Variants in SCAF1 observed in about 807,000 individuals in gnomAD.
SCAF1 encodes the protein SR-related CTD associated factor 1.
Under a neutral mutation model 91.2 loss-of-function variants are expected in SCAF1, and 28 were observed. That is an observed-to-expected ratio of 0.31 (90% CI 0.23 to 0.42). The LOEUF (loss-of-function observed/expected upper bound fraction) is 0.42, where lower values mean the gene tolerates loss of function less well. SCAF1 is among the 10% of genes least tolerant of loss of function. The pLI, the probability that SCAF1 is intolerant of heterozygous loss-of-function variation, is 1.00. For missense variants in SCAF1, 1,893 were observed against 1,872.1 expected (o/e 1.01, Z -0.21); for synonymous variants, 1,036 against 833.7 (o/e 1.24, Z -4.18).
chr19:49,648,558 A>ACCC (rs1273583245), intron 6 of SCAF1, among the ~76,000 whole-genome samples: 36 of 104,396 alleles, frequency 3.4e-4, no homozygotes, highest in African/African-American at 7.6e-4. Flanking sequence ...CATGCCTGCC[A>ACCC]CACCCCCCCC....
chr19:49,657,634 C>A, intron 9 of SCAF1, 127 bp from the exon 10 acceptor site: 2 of 1,235,992 alleles, frequency 1.6e-6, no homozygotes, highest in Non-Finnish European at 2.2e-6. Context: ...CTCAGCAGGA[C>A]TTCCAGCCTG....
chr19:49,653,811 T>C lies in SCAF1; in HGVS notation c.3316+106T>C, dbSNP rs2081121108. 2.7e-6 allele frequency: 3 copies of C among 1,127,412 alleles called. No homozygotes were observed. The South Asian group carries it at 5.2e-5, about 20-fold the overall frequency. The allele number at this position is 1,127,412 out of a possible 1,614,324, so 69.8% of individuals were successfully genotyped here. On this transcript the variant is annotated intron_variant, in intron 7 of 10. Coordinates refer to ENST00000360565, the MANE Select transcript of SCAF1 (RefSeq NM_021228.3). ...GGGTGCCCTGGCAGGGAGAGGTTTA[T>C]AGGGACATAGACTGGGAGGGTGGGG...
intron 8 of SCAF1, 91 bp from the exon 9 acceptor site, chr19:49,654,561 G>A (rs2081126399): frequency 7.3e-7 from 1 of 1,364,500 alleles, no homozygotes; most frequent in South Asian, 1.3e-5. Flanking sequence ...TGCCTCAGCT[G>A]TGGGGAAGTC....
Position 49,652,704 on chromosome 19 carries a change from C to T in SCAF1, c.2315C>T (p.Ala772Val), listed in dbSNP as rs765613770. ...CGGGAGAAGGGGTCTCGTCGGAAGG[C>T]GCTGGACGGGGGTGACCGGGATCGG... is the stretch of plus-strand genomic sequence containing the variant. ...SSREKGSRRK[A>V]LDGGDRDRDR... The change falls in exon 7 of 11, where the codon GCG (alanine) becomes GTG (valine). Residue 772 changes from alanine (A) to valine (V), a missense_variant. This residue lies in a region of SCAF1 where 1,436 missense variants were observed against 1,306.8 expected (regional missense o/e 1.10). Transcript: ENST00000360565. 2.7e-5 allele frequency: 42 copies of T among 1,580,972 alleles called. No individual in the cohort carries two copies. The highest frequency in any genetic ancestry group is 3.5e-5 in the Non-Finnish European group (41 of 1,163,704).
At chr19:49,654,301 C>A in intron 7 of SCAF1, 48 bp from the exon 8 acceptor site, 2 of 1,536,996 alleles carry the variant, frequency 1.3e-6, no homozygotes, top group South Asian at 1.1e-5. Context: ...CAGCTCCTGT[C>A]CTGTCACCTC....
chr19:49,641,102 TG>T (rs1318897444), upstream of SCAF1, among the ~76,000 whole-genome samples: 1 of 152,104 alleles, frequency 6.6e-6, no homozygotes, highest in East Asian at 1.9e-4. Context: ...GGCACTGGCT[TG>T]GGGGGACCCG....
intron 9 of SCAF1, among the ~76,000 whole-genome samples, chr19:49,655,778 C>T (rs2122519279): frequency 6.6e-6 from 1 of 152,300 alleles, no homozygotes; most frequent in East Asian, 1.9e-4. Context: ...TCAAGGGATC[C>T]TCCTACGTCA....
At position 49,652,199 on chromosome 19, in the gene SCAF1, G is replaced by A; in HGVS notation, c.1810G>A (p.Glu604Lys). 7.7e-7 allele frequency: 1 copy of A among 1,294,880 alleles called. No individual in the cohort carries two copies. Among genetic ancestry groups the A allele is most frequent in the Non-Finnish European group, 9.8e-7 (1 of 1,022,264 alleles). 80.2% of individuals were successfully genotyped at this position (1,294,880 alleles called of 1,614,324 possible). The change falls in exon 7 of 11, where the codon GAG becomes AAG. Residue 604 changes from glutamate to lysine, a missense_variant. Around this residue, in one of 5 missense-constraint regions of SCAF1, gnomAD observed 1,436 missense variants for 1,306.8 expected, o/e 1.10. Coordinates refer to ENST00000360565, the MANE Select transcript of SCAF1 (RefSeq NM_021228.3). ...GGGCAGCCGCAGGTCGCGGTCCCGGGAGAAGCGGCGACGGCGGCGGCGCTC... is the reference window on the plus strand; with the variant it reads ...GGGCAGCCGCAGGTCGCGGTCCCGGAAGAAGCGGCGACGGCGGCGGCGCTC... ...RGGSRRSRSR[E>K]KRRRRRRSAS... is the part of the protein sequence containing the mutation.
In SCAF1 at chr19:49,654,844, T is replaced by A; in HGVS notation, c.3592T>A (p.Ser1198Thr). The change falls in exon 9 of 11, where the codon TCT becomes ACT. Residue 1198 changes from serine to threonine, a missense_variant. This residue lies in a region of SCAF1 where 1,436 missense variants were observed against 1,306.8 expected (regional missense o/e 1.10). Coordinates refer to ENST00000360565, the MANE Select transcript of SCAF1 (RefSeq NM_021228.3). ...TGACAAGAGAGAGGGCAGCAGCAGC[T>A]CTGAGGGCCGTGGGGACACAGATAA... ...TSDKREGSSSSEGRGDTDKYL... is the reference protein window; with the variant it reads ...TSDKREGSSSTEGRGDTDKYL... 5.6e-6 allele frequency: 9 copies of A among 1,606,546 alleles called. No homozygotes were observed. The highest frequency in any genetic ancestry group is 7.7e-6 in the Non-Finnish European group (9 of 1,175,270).
chr19:49,648,731 G>T (rs111586636), intron 6 of SCAF1, among the ~76,000 whole-genome samples: 2,654 of 152,150 alleles, frequency 0.017, 65 homozygotes, highest in East Asian at 0.057. Flanking sequence ...CCAGCACTTT[G>T]GGAGGCCAAT....
At chr19:49,658,187 C>T (rs2081157899) in intron 10 of SCAF1, 21 bp from the exon 11 acceptor site, 1 of 1,604,746 alleles carries the variant, frequency 6.2e-7, no homozygotes, top group Admixed American at 1.7e-5. Flanking sequence ...GTGGTGACTC[C>T]AACTGTCCCC....
At chr19:49,657,255 C>G (rs938182934) in intron 9 of SCAF1, among the ~76,000 whole-genome samples, 2 of 152,162 alleles carry the variant, frequency 1.3e-5, no homozygotes, top group African/African-American at 2.4e-5. Flanking sequence ...CAAATGGGCT[C>G]AAGGTCAGTC....
chr19:49,652,556 G>A lies in SCAF1; in HGVS notation c.2167G>A (p.Ala723Thr). 6.4e-7 allele frequency: 1 copy of A among 1,564,858 alleles called. No individual in the cohort carries two copies. Among genetic ancestry groups the A allele is most frequent in the Non-Finnish European group, 8.7e-7 (1 of 1,153,840 alleles). Residue 723 changes from alanine (A) to threonine (T), a missense_variant, in exon 7 of 11, where the codon GCC becomes ACC. Ala to Thr is a moderately conservative substitution (Grantham distance 58, BLOSUM62 0). Transcript: ENST00000360565. ...SDPRGPSPAP[A>T]SSPKREVLYD... ...CCCCCGAGGACCCTCTCCTGCTCCG[G>A]CCTCCTCACCTAAGCGGGAGGTCCT...
chr19:49,640,679 A>G (rs2081021954), upstream of SCAF1, among the ~76,000 whole-genome samples: 1 of 152,170 alleles, frequency 6.6e-6, no homozygotes, highest in Admixed American at 6.5e-5. Flanking sequence ...CCGCCCGCTA[A>G]GGGACCCAGG....
At chr19:49,654,493 A>G (rs2081125894) in intron 8 of SCAF1, 62 bp downstream of exon 8, 4 of 1,526,394 alleles carry the variant, frequency 2.6e-6, no homozygotes, top group Non-Finnish European at 3.6e-6. Flanking sequence ...TCGGGTTAGG[A>G]GAGGAACCGC....
rs755206075 is a variant in SCAF1 at position 49,653,720 on chromosome 19, G to A, written c.3316+15G>A. 5.3e-6 allele frequency: 8 copies of A among 1,517,178 alleles called. No individual in the cohort carries two copies. In the South Asian group the frequency reaches 8.8e-5, roughly 17 times the overall value. 94.0% of individuals were successfully genotyped at this position (1,517,178 alleles called of 1,614,324 possible). A position where few individuals can be genotyped will look rare whatever the true frequency, so the allele number is the denominator to read the frequency against. ...CGTCCTGGCCTGTGAGTGTCCCCTG[G>A]GGGAGGGTGGTGCTGGGGCAGGTGA... On this transcript the variant is annotated intron_variant, in intron 7 of 10. Transcript: ENST00000360565.
Position 49,658,508 on chromosome 19 carries a change from C to T in SCAF1, c.*109C>T. On this transcript the variant is annotated 3_prime_UTR_variant, in exon 11 of 11. Coordinates refer to ENST00000360565, the MANE Select transcript of SCAF1 (RefSeq NM_021228.3). Reference sequence around the variant, plus strand: ...CAGTGGGATGACTGGGGGAGGGTTGCTGCAGGGAAGAGGAGAGCCCCCTGC... The same window carrying T: ...CAGTGGGATGACTGGGGGAGGGTTGTTGCAGGGAAGAGGAGAGCCCCCTGC... The T allele has an allele frequency of 1.5e-6, 1 of 683,820 alleles. No individual in the cohort carries two copies. Among genetic ancestry groups the T allele is most frequent in the Non-Finnish European group, 2.5e-6 (1 of 407,436 alleles). 42.4% of individuals were successfully genotyped at this position (683,820 alleles called of 1,614,324 possible). A position where few individuals can be genotyped will look rare whatever the true frequency, so the allele number is the denominator to read the frequency against.
chr19:49,651,154 C>T lies in SCAF1; in HGVS notation c.765C>T (p.Gly255=), dbSNP rs746197159. 5 of 1,613,004 alleles carry T rather than the reference C, an allele frequency of 3.1e-6. No homozygotes were observed. In the African/African-American group the frequency reaches 4.0e-5, roughly 13 times the overall value. Residue 255 remains glycine, a synonymous_variant, in exon 7 of 11, where the codon GGC becomes GGT. Transcript: ENST00000360565. ...EQKYDPFEPT[G]SNPSSSAGTP... Reference sequence around the variant, plus strand: ...AGTACGACCCTTTTGAGCCCACCGGCTCCAACCCCAGCTCATCAGCGGGGA... The same window carrying T: ...AGTACGACCCTTTTGAGCCCACCGGTTCCAACCCCAGCTCATCAGCGGGGA...
chr19:49,641,270 C>G (rs2081024728), upstream of SCAF1, among the ~76,000 whole-genome samples: 1 of 152,210 alleles, frequency 6.6e-6, no homozygotes, highest in Non-Finnish European at 1.5e-5. Flanking sequence ...CTTCTCTGTA[C>G]TGAACGAGGC....
Sources: gnomAD v4.1 joint callset for allele counts (sites outside exome capture counted in the v4.1 genomes callset) on GRCh38, gnomAD v4.1.1 for gene constraint, gnomAD v4.1.1 regional missense constraint, MANE v1.5 for transcripts, NCBI Gene and HGNC (gene_info 2026-07-23, HGNC 2026-07-21) for gene names.